Variants in RBPJ observed in about 807,000 individuals in gnomAD.
RBPJ encodes recombination signal binding protein for immunoglobulin kappa J region.
RBPJ carries 9 observed loss-of-function variants against 67.8 expected under a neutral mutation model. The ratio of observed to expected loss-of-function variants is 0.13; its 90% CI spans 0.08 to 0.23. RBPJ has a LOEUF of 0.23. Among genes scored for constraint, RBPJ ranks in the 10% least tolerant of loss-of-function variants. RBPJ has a pLI of 1.00. For synonymous variants in RBPJ, 198 were observed against 203.3 expected (o/e 0.97, Z 0.22); for missense variants, 305 against 595.6 (o/e 0.51, Z 5.08).
intron 1 of RBPJ, among the ~76,000 whole-genome samples, chr4:26,330,932 A>C (rs1724178735): frequency 6.6e-6 from 1 of 152,118 alleles, no homozygotes. Context: ...GACACGTGTG[A>C]TATATATTAT....
chr4:26,400,645 A>G (rs1732679516), intron 2 of RBPJ, among the ~76,000 whole-genome samples: 1 of 152,232 alleles, frequency 6.6e-6, no homozygotes, highest in Non-Finnish European at 1.5e-5. Flanking sequence ...ATAAAGTGAA[A>G]TTTATTTTTA....
intron 1 of RBPJ, among the ~76,000 whole-genome samples, chr4:26,381,171 T>A (rs371618637): frequency 6.6e-6 from 1 of 151,794 alleles, no homozygotes; most frequent in Non-Finnish European, 1.5e-5. Flanking sequence ...GTTAAGATGG[T>A]GTAGTTTTGA....
rs535165301 is a variant in RBPJ at position 26,339,059 on chromosome 4, C to T, written c.20+18011C>T. Among the ~76,000 whole-genome samples the T allele has an allele frequency of 3.3e-5, 5 of 151,298 alleles. No homozygotes were observed. The South Asian group carries it at 6.3e-4, about 19-fold the overall frequency. On this transcript the variant is annotated intron_variant, in intron 1 of 10. Transcript: ENST00000355476. ...TGGTCTGGACCTCCTGGTCTCAAGC[C>T]GTCTGCCCACCTTGGCCTCCCAAAA...
chr4:26,122,258 G>C, the RBPJ span, among the ~76,000 whole-genome samples: 6 of 152,170 alleles, frequency 3.9e-5, no homozygotes, highest in Non-Finnish European at 5.9e-5. Context: ...CCTAGATCAA[G>C]CCATATCTGA....
the RBPJ span, among the ~76,000 whole-genome samples, chr4:26,137,886 GC>G: frequency 6.6e-6 from 1 of 152,176 alleles, no homozygotes; most frequent in South Asian, 2.1e-4. Context: ...TCAGGGACGG[GC>G]CCCAGTTAGC....
chr4:26,301,522 G>A (rs984300432), intron 1 of RBPJ, among the ~76,000 whole-genome samples: 7 of 151,642 alleles, frequency 4.6e-5, no homozygotes, highest in African/African-American at 1.7e-4. Flanking sequence ...AACCTGGGAG[G>A]CGGAGCTTGC....
intron 1 of RBPJ, among the ~76,000 whole-genome samples, chr4:26,278,604 G>A (rs565064609): frequency 2.0e-4 from 31 of 152,294 alleles, no homozygotes; most frequent in African/African-American, 7.2e-4. Flanking sequence ...TTATGAAATA[G>A]ACTAATCAAT....
intron 1 of RBPJ, among the ~76,000 whole-genome samples, chr4:26,202,198 A>G (rs866696159): frequency 1.3e-5 from 2 of 151,970 alleles, no homozygotes; most frequent in South Asian, 4.2e-4. Context: ...ACAGCTCTAA[A>G]TGTCATCAAC....
At chr4:26,215,455 A>G (rs939224681) in intron 1 of RBPJ, among the ~76,000 whole-genome samples, 3 of 149,140 alleles carry the variant, frequency 2.0e-5, no homozygotes, top group African/African-American at 7.6e-5. Context: ...TCAAAGAGGG[A>G]CAAAAACAAC....
rs1553848338 is a variant in RBPJ, at chr4:26,203,008, A to AAAG, written c.-167+39396_-167+39397insGAA. Among the ~76,000 whole-genome samples, 689 of 116,160 alleles carry AAAG rather than the reference A, an allele frequency of 5.9e-3. 4 individuals are homozygous for AAAG. The highest frequency in any genetic ancestry group is 0.019 in the Middle Eastern group (4 of 214). 76.2% of individuals were successfully genotyped at this position (116,160 alleles called of 152,430 possible). On this transcript the variant is annotated intron_variant, in intron 1 of 4. Coordinates refer to the RBPJ transcript ENST00000512351. ...AAGGAAGGAAGGAAGGAAGGAAGGA[A>AAAG]AAAAGAAAAGAAAAGAGAAGAAAGA... is the stretch of plus-strand genomic sequence containing the variant.
chr4:26,121,115 C>G, the RBPJ span, among the ~76,000 whole-genome samples: 1 of 151,700 alleles, frequency 6.6e-6, no homozygotes, highest in Non-Finnish European at 1.5e-5. Context: ...TTGACTTCCT[C>G]CAAGGAGTCC....
chr4:26,418,012 G>A (rs922013492), intron 4 of RBPJ, among the ~76,000 whole-genome samples: 1 of 152,104 alleles, frequency 6.6e-6, no homozygotes, highest in Non-Finnish European at 1.5e-5. Flanking sequence ...ATTTTTTATA[G>A]TCACAGCTAG....
intron 1 of RBPJ, among the ~76,000 whole-genome samples, chr4:26,164,529 C>T (rs570898142): frequency 3.3e-5 from 5 of 152,268 alleles, no homozygotes; most frequent in Non-Finnish European, 5.9e-5. Context: ...TCTTCTTATT[C>T]GGGCACTCAC....
Position 26,424,769 on chromosome 4 carries a change from A to G in RBPJ, c.747+26A>G. 1 of 1,319,974 alleles carries G rather than the reference A, an allele frequency of 7.6e-7. No individual in the cohort carries two copies. Among genetic ancestry groups the G allele is most frequent in the East Asian group, 2.3e-5 (1 of 43,164 alleles). 81.8% of individuals were successfully genotyped at this position (1,319,974 alleles called of 1,614,324 possible). A position where few individuals can be genotyped will look rare whatever the true frequency, so the allele number is the denominator to read the frequency against. On this transcript the variant is annotated intron_variant, in intron 7 of 10. Transcript: ENST00000355476. This position sits in a 1 kb window ranked among gnomAD's most constrained non-coding sequence, Gnocchi z 5.3. ...GTATGGCTCTACTTTTGCTTTAGTGATAATGTGAAGTAAAAATTAATTTCT... is the reference window on the plus strand; with the variant it reads ...GTATGGCTCTACTTTTGCTTTAGTGGTAATGTGAAGTAAAAATTAATTTCT...
intron 1 of RBPJ, among the ~76,000 whole-genome samples, chr4:26,333,407 ATTACT>A (rs1560272678): frequency 6.6e-6 from 1 of 152,194 alleles, no homozygotes; most frequent in African/African-American, 2.4e-5. Context: ...TATCTATTAG[ATTACT>A]TTAAATGAAT....
chr4:26,337,937 A>G (rs187870407), intron 1 of RBPJ, among the ~76,000 whole-genome samples: 85 of 151,668 alleles, frequency 5.6e-4, no homozygotes, highest in Middle Eastern at 3.4e-3. Context: ...TTTGTATATA[A>G]GCACTTTTAT....
chr4:26,323,494 G>T (rs983245105), intron 1 of RBPJ, among the ~76,000 whole-genome samples: 5 of 152,164 alleles, frequency 3.3e-5, no homozygotes, highest in African/African-American at 7.2e-5. Flanking sequence ...TCGAAATCTG[G>T]ATGCGTTGTG....
chr4:26,167,026 A>G (rs550382206), intron 1 of RBPJ, among the ~76,000 whole-genome samples: 3 of 152,118 alleles, frequency 2.0e-5, no homozygotes, highest in Non-Finnish European at 4.4e-5. Flanking sequence ...AGATAGTTGT[A>G]GATATGTGGC....
At chr4:26,200,384 C>A (rs1717940105) in intron 1 of RBPJ, among the ~76,000 whole-genome samples, 1 of 152,172 alleles carries the variant, frequency 6.6e-6, no homozygotes, top group African/African-American at 2.4e-5. Flanking sequence ...CCCAAGCAAT[C>A]ATGGCCAGAT....
Sources: gnomAD v4.1 joint callset for allele counts (sites outside exome capture counted in the v4.1 genomes callset) on GRCh38, gnomAD v4.1.1 for gene constraint, Gnocchi (gnomAD v3.1) non-coding constraint, MANE v1.5 for transcripts, NCBI Gene and HGNC (gene_info 2026-07-23, HGNC 2026-07-21) for gene names.